Variants in MARCHF1 observed in about 807,000 individuals in gnomAD.
MARCHF1 encodes membrane associated ring-CH-type finger 1.
Under a neutral mutation model 54.2 loss-of-function variants are expected in MARCHF1, and 40 were observed. The ratio of observed to expected loss-of-function variants is 0.74; its 90% CI spans 0.57 to 0.96. The LOEUF (loss-of-function observed/expected upper bound fraction) is 0.96. Ranked by LOEUF, MARCHF1 falls within the 40% of genes least tolerant of loss-of-function variation. The pLI, the probability that MARCHF1 is intolerant of heterozygous loss-of-function variation, is 0.00. For synonymous variants in MARCHF1, 236 were observed against 236.3 expected, an observed-to-expected ratio of 1.00 and a Z score of 0.01; for missense variants, 586 against 656.5, an observed-to-expected ratio of 0.89 and a Z score of 1.17.
chr4:164,325,342 T>TATA (rs1260169292), intron 1 of MARCHF1, among the ~76,000 whole-genome samples: 1 of 149,184 alleles, frequency 6.7e-6, no homozygotes, highest in Non-Finnish European at 1.5e-5. Flanking sequence ...ATTATATATA[T>TATA]ATATATATAT....
chr4:163,797,731 A>G (rs1202771351), intron 4 of MARCHF1, among the ~76,000 whole-genome samples: 2 of 151,884 alleles, frequency 1.3e-5, no homozygotes, highest in African/African-American at 4.8e-5. Flanking sequence ...GATTCTTTCC[A>G]AGTGTGTTGG....
chr4:164,194,207 A>T (rs1450057040), intron 1 of MARCHF1, among the ~76,000 whole-genome samples: 1 of 152,222 alleles, frequency 6.6e-6, no homozygotes, highest in Non-Finnish European at 1.5e-5. Context: ...AAAGAGAAAA[A>T]GAAACATAAT....
chr4:163,617,391 C>T (rs886316585), intron 5 of MARCHF1, among the ~76,000 whole-genome samples: 8 of 151,944 alleles, frequency 5.3e-5, no homozygotes, highest in Non-Finnish European at 1.0e-4. Context: ...TTGGATGTTC[C>T]CCACAGAAAA....
At chr4:163,770,121 T>A (rs898917428) in intron 4 of MARCHF1, among the ~76,000 whole-genome samples, 1 of 152,176 alleles carries the variant, frequency 6.6e-6, no homozygotes, top group African/African-American at 2.4e-5. Context: ...AATAATCACA[T>A]ACAAAATAAG....
At chr4:164,194,906 T>A (rs188507637) in intron 1 of MARCHF1, among the ~76,000 whole-genome samples, 1 of 152,236 alleles carries the variant, frequency 6.6e-6, no homozygotes, top group African/African-American at 2.4e-5. Context: ...ACCCGTCATC[T>A]ACGTTAGGTA....
chr4:163,843,634 C>T (rs1425319446), intron 4 of MARCHF1, among the ~76,000 whole-genome samples: 1 of 151,966 alleles, frequency 6.6e-6, no homozygotes, highest in African/African-American at 2.4e-5. Flanking sequence ...TCTATCAACC[C>T]ATCACTTAGG....
intron 3 of MARCHF1, among the ~76,000 whole-genome samples, chr4:163,873,030 C>T (rs1029937468): frequency 2.7e-5 from 4 of 150,280 alleles, no homozygotes; most frequent in South Asian, 2.1e-4. Context: ...GGCGACAGAG[C>T]GAGACTCCGT....
chr4:163,871,909 C>T (rs1057094808), intron 3 of MARCHF1, among the ~76,000 whole-genome samples: 1 of 151,986 alleles, frequency 6.6e-6, no homozygotes, highest in Non-Finnish European at 1.5e-5. Flanking sequence ...ATTTCATGAC[C>T]TATAATATCC....
chr4:164,360,971 A>G (rs780920282), intron 1 of MARCHF1, among the ~76,000 whole-genome samples: 1 of 54,662 alleles, frequency 1.8e-5, no homozygotes, highest in East Asian at 3.3e-4. Context: ...GCAGAATTTT[A>G]AAATTACATA....
chr4:163,810,675 A>C lies in MARCHF1; in HGVS notation c.111+43346T>G, dbSNP rs144505454. On this transcript the variant is annotated intron_variant, in intron 4 of 9. Transcript: ENST00000514618. Reference sequence around the variant, plus strand: ...ATTGAGAGTGCTGTTTAAATTTAAAATTAAGAATAACTAAGTAAAATTTTG... The same window carrying C: ...ATTGAGAGTGCTGTTTAAATTTAAACTTAAGAATAACTAAGTAAAATTTTG... Among the ~76,000 whole-genome samples the C allele has an allele frequency of 3.1e-3, 470 of 152,354 alleles. 3 individuals carry two copies. The highest frequency in any genetic ancestry group is 0.011 in the African/African-American group (447 of 41,592).
chr4:163,616,648 G>A (rs1183319205), intron 5 of MARCHF1, among the ~76,000 whole-genome samples: 1 of 152,032 alleles, frequency 6.6e-6, no homozygotes, highest in Non-Finnish European at 1.5e-5. Flanking sequence ...GGGAGGATGT[G>A]CTGGAGGCTT....
intron 1 of MARCHF1, among the ~76,000 whole-genome samples, chr4:164,351,190 C>T (rs1456125936): frequency 1.1e-4 from 16 of 151,370 alleles, no homozygotes; most frequent in Admixed American, 2.6e-4. Flanking sequence ...GGGGTAGGGG[C>T]GCCCGCCATT....
At chr4:164,015,172 T>C (rs1753509520) in intron 2 of MARCHF1, among the ~76,000 whole-genome samples, 1 of 152,180 alleles carries the variant, frequency 6.6e-6, no homozygotes, top group African/African-American at 2.4e-5. Context: ...ATCTCATTTT[T>C]TGACAAAGGT....
At chr4:163,771,466 T>C (rs1251060383) in intron 4 of MARCHF1, among the ~76,000 whole-genome samples, 1 of 152,178 alleles carries the variant, frequency 6.6e-6, no homozygotes, top group Non-Finnish European at 1.5e-5. Context: ...AAGATTGGTG[T>C]CTGATGAGGG....
intron 1 of MARCHF1, among the ~76,000 whole-genome samples, chr4:164,113,372 TTCTC>T (rs1294887002): frequency 6.6e-6 from 1 of 152,044 alleles, no homozygotes; most frequent in Non-Finnish European, 1.5e-5. Flanking sequence ...GTTTGATGCT[TTCTC>T]TCTATATACA....
chr4:163,611,989 GA>G (rs1216428945), intron 7 of MARCHF1, among the ~76,000 whole-genome samples: 2 of 152,036 alleles, frequency 1.3e-5, no homozygotes, highest in African/African-American at 4.8e-5. Flanking sequence ...GTCATAACTA[GA>G]ATGAGTGCAA....
At chr4:163,544,537 T>A (rs919091293) in intron 9 of MARCHF1, among the ~76,000 whole-genome samples, 3 of 152,170 alleles carry the variant, frequency 2.0e-5, no homozygotes, top group Non-Finnish European at 4.4e-5. Flanking sequence ...CCCTTTCGGC[T>A]TTTTGAAATG....
intron 1 of MARCHF1, among the ~76,000 whole-genome samples, chr4:164,356,922 G>A (rs200982082): frequency 1.6e-4 from 25 of 151,894 alleles, no homozygotes; most frequent in East Asian, 1.4e-3. Context: ...TGGACACATA[G>A]AGGAGAACAA....
intron 1 of MARCHF1, among the ~76,000 whole-genome samples, chr4:164,248,889 TCATAATTCATTCA>T (rs1007916807): frequency 1.3e-5 from 2 of 151,508 alleles, no homozygotes; most frequent in Non-Finnish European, 2.9e-5. Context: ...ATTTTAAATT[TCATAATTCATTCA>T]CATAATTCAT....
Sources: gnomAD v4.1 joint callset for allele counts (sites outside exome capture counted in the v4.1 genomes callset) on GRCh38, gnomAD v4.1.1 for gene constraint, MANE v1.5 for transcripts, NCBI Gene and HGNC (gene_info 2026-07-23, HGNC 2026-07-21) for gene names.